The following MAML2 variants were observed in gnomAD, a reference collection of about 807,000 sequenced individuals.
MAML2 encodes mastermind like transcriptional coactivator 2, also known as mastermind-like protein 2.
In MAML2, 22 loss-of-function variants were observed where a neutral mutation model predicts 96.1. That is an observed-to-expected ratio of 0.23 (90% CI 0.16 to 0.33). The LOEUF (loss-of-function observed/expected upper bound fraction) is 0.33, where lower values mean the gene tolerates loss of function less well. Ranked by LOEUF, MAML2 falls within the 10% of genes least tolerant of loss-of-function variation. MAML2 has a pLI of 1.00. For synonymous variants in MAML2, 561 were observed against 521.3 expected (o/e 1.08, Z -1.04); for missense variants, 1,367 against 1,392.4 (o/e 0.98, Z 0.29).
chr11:96,010,304 A>T (rs1436099377), intron 2 of MAML2, among the ~76,000 whole-genome samples: 1 of 152,206 alleles, frequency 6.6e-6, no homozygotes, highest in Non-Finnish European at 1.5e-5. Context: ...CTATTTAGAG[A>T]TTTATATAAA....
chr11:96,032,474 C>A (rs994102171), intron 2 of MAML2, among the ~76,000 whole-genome samples: 3 of 150,982 alleles, frequency 2.0e-5, no homozygotes, highest in Non-Finnish European at 4.4e-5. Context: ...GCAATCCCAG[C>A]TACTTGGGAG....
chr11:96,128,262 CTCATGCCTGTAG>C (rs1332452903), intron 1 of MAML2, among the ~76,000 whole-genome samples: 1 of 152,026 alleles, frequency 6.6e-6, no homozygotes, highest in Non-Finnish European at 1.5e-5. Flanking sequence ...GGTGTGGTGG[CTCATGCCTGTAG>C]TCCCAACTAC....
At chr11:96,131,107 G>A (rs1326254209) in intron 1 of MAML2, among the ~76,000 whole-genome samples, 3 of 152,028 alleles carry the variant, frequency 2.0e-5, no homozygotes, top group Admixed American at 6.6e-5. Context: ...GATGTATGTT[G>A]GGAGAATGGG....
intron 1 of MAML2, among the ~76,000 whole-genome samples, chr11:96,207,381 G>A (rs77206181): frequency 0.013 from 2,049 of 152,280 alleles, 52 homozygotes; most frequent in African/African-American, 0.047. Flanking sequence ...GGTAAATTGT[G>A]GTCTCTTTAA....
chr11:96,324,149 G>A (rs1385769445), intron 1 of MAML2, among the ~76,000 whole-genome samples: 1 of 152,192 alleles, frequency 6.6e-6, no homozygotes, highest in Non-Finnish European at 1.5e-5. Context: ...CCTATACGAG[G>A]TGCGAAGTCA....
At chr11:96,313,800 C>T (rs907073853) in intron 1 of MAML2, among the ~76,000 whole-genome samples, 5 of 152,128 alleles carry the variant, frequency 3.3e-5, no homozygotes, top group African/African-American at 1.2e-4. Context: ...TACCCATCCT[C>T]ATGAAGGTCC....
intron 1 of MAML2, among the ~76,000 whole-genome samples, chr11:96,129,579 T>G (rs1182345012): frequency 6.6e-6 from 1 of 152,184 alleles, no homozygotes; most frequent in Non-Finnish European, 1.5e-5. Flanking sequence ...GGGTGGGTAG[T>G]GGGACACAAC....
intron 1 of MAML2, among the ~76,000 whole-genome samples, chr11:96,265,813 T>C (rs534525736): frequency 6.6e-6 from 1 of 152,326 alleles, no homozygotes; most frequent in African/African-American, 2.4e-5. Flanking sequence ...GCCCAACTTA[T>C]GGGGAAAATC....
chr11:96,065,291 G>A (rs566123972), intron 2 of MAML2, among the ~76,000 whole-genome samples: 1 of 152,232 alleles, frequency 6.6e-6, no homozygotes, highest in Non-Finnish European at 1.5e-5. Flanking sequence ...ACCCAGGATA[G>A]CAATTGTTAG....
intron 2 of MAML2, among the ~76,000 whole-genome samples, chr11:96,060,448 A>G (rs926581497): frequency 2.0e-5 from 3 of 147,236 alleles, no homozygotes; most frequent in African/African-American, 7.4e-5. Context: ...CATTTGTTCT[A>G]TTTTTTTTTT....
chr11:96,151,085 C>T (rs897179076), intron 1 of MAML2, among the ~76,000 whole-genome samples: 2 of 152,224 alleles, frequency 1.3e-5, no homozygotes, highest in African/African-American at 4.8e-5. Flanking sequence ...ACAAAACCTT[C>T]TGTTGCTCAC....
intron 2 of MAML2, among the ~76,000 whole-genome samples, chr11:95,997,311 T>C (rs780610599): frequency 1.3e-5 from 2 of 152,144 alleles, no homozygotes; most frequent in Non-Finnish European, 2.9e-5. Flanking sequence ...TGTGTGTGCA[T>C]GCGCATTTGA....
At chr11:96,295,937 A>AACACACAC (rs56231526) in intron 1 of MAML2, among the ~76,000 whole-genome samples, 1,732 of 137,850 alleles carry the variant, frequency 0.013, 20 homozygotes, top group East Asian at 0.027. Flanking sequence ...CAGAACAGTA[A>AACACACAC]ACACACACAC....
At chr11:96,296,796 C>G (rs930703311) in intron 1 of MAML2, among the ~76,000 whole-genome samples, 1 of 152,160 alleles carries the variant, frequency 6.6e-6, no homozygotes, top group Non-Finnish European at 1.5e-5. Flanking sequence ...AAAAAGAGTT[C>G]TTTGGGTTGG....
At chr11:96,166,280 A>G (rs1342492261) in intron 1 of MAML2, among the ~76,000 whole-genome samples, 1 of 151,796 alleles carries the variant, frequency 6.6e-6, no homozygotes, top group Non-Finnish European at 1.5e-5. Context: ...ATGCTAGACT[A>G]AAAACTCCCA....
rs187870452 is a variant in MAML2 at position 96,131,439 on chromosome 11, A to G, written c.514-37922T>C. ...TATAAACCAAGTAGAGCTGACATAT[A>G]TAGAACATATACTTAACAACAACTT... On this transcript the variant is annotated intron_variant, in intron 1 of 4. Coordinates refer to ENST00000524717, the MANE Select transcript of MAML2 (RefSeq NM_032427.4). 3.9e-3 allele frequency among the ~76,000 whole-genome samples: 591 copies of G among 152,352 alleles called. 4 individuals are homozygous for G. The highest frequency in any genetic ancestry group is 0.018 in the South Asian group (88 of 4,828).
chr11:96,235,984 T>C (rs963301142), intron 1 of MAML2, among the ~76,000 whole-genome samples: 3 of 152,248 alleles, frequency 2.0e-5, no homozygotes, highest in Admixed American at 1.3e-4. Context: ...GTGCCAGAGA[T>C]GAATGCTCTT....
chr11:96,080,768 C>T (rs144206134), intron 2 of MAML2, among the ~76,000 whole-genome samples: 8 of 152,248 alleles, frequency 5.3e-5, no homozygotes, highest in African/African-American at 1.9e-4. Flanking sequence ...GAATGAGTTT[C>T]GTCTGGGAAG....
At position 95,991,531 on chromosome 11, in the gene MAML2, G is replaced by A. The variant is rs767291773; in HGVS notation, c.2332C>T (p.Leu778=). 4 of 1,613,682 alleles carry A rather than the reference G, an allele frequency of 2.5e-6. No individual in the cohort carries two copies. Among genetic ancestry groups the A allele is most frequent in the Non-Finnish European group, 3.4e-6 (4 of 1,179,630 alleles). Residue 778 remains leucine, a synonymous_variant, in exon 3 of 5, where the codon CTG becomes TTG. Transcript: ENST00000524717. ...AGAGAAAGTTTTACCGCGTCAGCCA[G>A]CATCTGCTGCTGGAGAAGAAGTTGC... ...KQQLLLQQQM[L]ADAEKIAPQD...
Sources: allele counts gnomAD v4.1 joint callset (sites outside exome capture counted in the v4.1 genomes callset), GRCh38; gene constraint gnomAD v4.1.1; transcripts MANE v1.5; gene names NCBI Gene and HGNC (gene_info 2026-07-23, HGNC 2026-07-21).